The following ATAD2B variants were observed in gnomAD, a reference collection of about 807,000 sequenced individuals.
ATAD2B encodes the protein ATPase family AAA domain-containing protein 2B.
ATAD2B carries 40 observed loss-of-function variants against 167.6 expected under a neutral mutation model. The observed-to-expected ratio is 0.24, with a 90% CI of 0.19 to 0.31. ATAD2B has a LOEUF of 0.31. ATAD2B is among the 10% of genes least tolerant of loss of function. The probability of loss-of-function intolerance (pLI) is 1.00; values close to 1 mark genes in which losing one functional copy is unlikely to be tolerated. For synonymous variants in ATAD2B, 579 were observed against 596.5 expected (o/e 0.97, Z 0.43); for missense variants, 1,242 against 1,757.2 (o/e 0.71, Z 5.24).
chr2:23,832,980 C>T (rs2149736619), intron 14 of ATAD2B, among the ~76,000 whole-genome samples: 1 of 152,354 alleles, frequency 6.6e-6, no homozygotes, highest in East Asian at 1.9e-4. Context: ...GAAGGCTGCA[C>T]TTGGGCAATG....
At chr2:23,884,050 A>C (rs1186468894) in intron 6 of ATAD2B, among the ~76,000 whole-genome samples, 1 of 152,150 alleles carries the variant, frequency 6.6e-6, no homozygotes. Context: ...AGGCTGAGGC[A>C]GGAGAATCGC....
chr2:23,896,008 T>A, intron 1 of ATAD2B, 38 bp from the exon 2 acceptor site: 1 of 1,527,510 alleles, frequency 6.5e-7, no homozygotes, highest in Non-Finnish European at 8.9e-7. Flanking sequence ...ATTATTCCTA[T>A]TAAGATAAAT....
chr2:23,699,224 C>A, the ATAD2B span, among the ~76,000 whole-genome samples: 4 of 152,192 alleles, frequency 2.6e-5, no homozygotes, highest in Non-Finnish European at 4.4e-5. Context: ...TGAGTTATGA[C>A]TGGTGTCCCA....
chr2:23,811,869 T>C (rs551248841), intron 17 of ATAD2B, among the ~76,000 whole-genome samples: 18 of 152,064 alleles, frequency 1.2e-4, no homozygotes, highest in African/African-American at 2.4e-4. Context: ...TATATATATA[T>C]ACATAAACTT....
chr2:23,807,182 G>A (rs955705427), intron 18 of ATAD2B, among the ~76,000 whole-genome samples: 5 of 152,142 alleles, frequency 3.3e-5, no homozygotes, highest in Non-Finnish European at 7.3e-5. Flanking sequence ...AGTAAGAGGT[G>A]ATGAGAATAT....
At chr2:23,843,453 A>C (rs567649522) in intron 13 of ATAD2B, among the ~76,000 whole-genome samples, 1 of 152,362 alleles carries the variant, frequency 6.6e-6, no homozygotes, top group African/African-American at 2.4e-5. Flanking sequence ...GAAAACCCAA[A>C]TATTACAAAA....
At chr2:23,804,771 G>A (rs1481474428) in intron 18 of ATAD2B, among the ~76,000 whole-genome samples, 1 of 151,320 alleles carries the variant, frequency 6.6e-6, no homozygotes, top group Non-Finnish European at 1.5e-5. Flanking sequence ...AACCAGTAAT[G>A]TTTGTGAATA....
At chr2:23,779,742 ATATAT>A (rs1679717739) in intron 22 of ATAD2B, among the ~76,000 whole-genome samples, 1 of 152,326 alleles carries the variant, frequency 6.6e-6, no homozygotes, top group East Asian at 1.9e-4. Context: ...TGTTGGAGAA[ATATAT>A]TAATTAATAA....
At chr2:23,813,212 C>T (rs1258612033) in intron 17 of ATAD2B, among the ~76,000 whole-genome samples, 1 of 151,378 alleles carries the variant, frequency 6.6e-6, no homozygotes, top group Non-Finnish European at 1.5e-5. Flanking sequence ...TAATTGTAAT[C>T]ACTATATGAA....
At chr2:23,679,364 A>G in the ATAD2B span, among the ~76,000 whole-genome samples, 273 of 152,298 alleles carry the variant, frequency 1.8e-3, 3 homozygotes, top group East Asian at 0.02. Flanking sequence ...TGCTCCACAC[A>G]GTCTCTCATG....
chr2:23,815,308 C>T (rs1176560010), intron 17 of ATAD2B, among the ~76,000 whole-genome samples: 2 of 152,096 alleles, frequency 1.3e-5, no homozygotes, highest in Admixed American at 6.5e-5. Context: ...GAATAGCCTG[C>T]GATGAGACTT....
At chr2:23,883,279 C>CAA (rs56994882) in intron 6 of ATAD2B, among the ~76,000 whole-genome samples, 14 of 88,958 alleles carry the variant, frequency 1.6e-4, no homozygotes, top group Admixed American at 2.7e-4. Flanking sequence ...AAAACTGTCT[C>CAA]AAAAAAAAAA....
chr2:23,821,091 A>G (rs1402229406), intron 16 of ATAD2B, among the ~76,000 whole-genome samples: 2 of 152,240 alleles, frequency 1.3e-5, no homozygotes, highest in Non-Finnish European at 2.9e-5. Context: ...CAGAATAAAT[A>G]TGACTAAATA....
intron 8 of ATAD2B, chr2:23,872,298 C>A: frequency 1.9e-6 from 1 of 527,210 alleles, no homozygotes; most frequent in Non-Finnish European, 3.6e-6. Context: ...TACGCACAGT[C>A]TCTTCATCCC....
At chr2:23,765,800 G>C (rs1436578279) in intron 22 of ATAD2B, among the ~76,000 whole-genome samples, 172 bp from the exon 23 acceptor site, 1 of 152,098 alleles carries the variant, frequency 6.6e-6, no homozygotes, top group Non-Finnish European at 1.5e-5. Context: ...ACTCAGTCAA[G>C]TTAGTAATTC....
At chr2:23,732,356 C>T in the ATAD2B span, among the ~76,000 whole-genome samples, 1 of 152,066 alleles carries the variant, frequency 6.6e-6, no homozygotes, top group East Asian at 1.9e-4. Context: ...TTTAGAAATG[C>T]ACACAGGTGA....
Position 23,926,652 on chromosome 2 carries a change from G to C in ATAD2B, c.119C>G (p.Ser40Cys). 6.4e-7 allele frequency: 1 copy of C among 1,562,976 alleles called. No homozygotes were observed. Among genetic ancestry groups the C allele is most frequent in the Non-Finnish European group, 8.7e-7 (1 of 1,154,486 alleles). ...GGTCTTGGAGGAGCGGGTCCGAGAGGAGATGAAATGGCTGCTGCCTCCGGT... is the reference window on the plus strand; with the variant it reads ...GGTCTTGGAGGAGCGGGTCCGAGAGCAGATGAAATGGCTGCTGCCTCCGGT... Reference protein sequence around the residue: ...GATGGSSHFISSRTRSSKTRA... With the variant: ...GATGGSSHFICSRTRSSKTRA... The change falls in exon 1 of 28, where the codon TCC (serine) becomes TGC (cysteine). Residue 40 changes from serine to cysteine, a missense_variant. Around this residue, in one of 9 missense-constraint regions of ATAD2B, gnomAD observed 199 missense variants for 194.9 expected, o/e 1.02. Coordinates refer to ENST00000238789, the MANE Select transcript of ATAD2B (RefSeq NM_017552.4).
chr2:23,703,689 C>T, the ATAD2B span: 45 of 1,516,778 alleles, frequency 3.0e-5, no homozygotes, highest in African/African-American at 6.9e-5. Context: ...GACAAGCTGC[C>T]GTGACCTGCC....
chr2:23,721,247 C>G, the ATAD2B span, among the ~76,000 whole-genome samples: 1 of 152,220 alleles, frequency 6.6e-6, no homozygotes, highest in Non-Finnish European at 1.5e-5. Context: ...TGCCCCACCC[C>G]ATGCAGACAA....
Sources: gnomAD v4.1 joint callset for allele counts (sites outside exome capture counted in the v4.1 genomes callset) on GRCh38, gnomAD v4.1.1 for gene constraint, gnomAD v4.1.1 regional missense constraint, MANE v1.5 for transcripts, NCBI Gene and HGNC (gene_info 2026-07-23, HGNC 2026-07-21) for gene names.